NFATC1: variants seen among roughly 807,000 people sequenced by gnomAD.
NFATC1 encodes nuclear factor of activated T cells 1, also known as nuclear factor of activated T-cells, cytoplasmic 1.
In NFATC1, 22 loss-of-function variants were observed where a neutral mutation model predicts 76.0. The ratio of observed to expected loss-of-function variants is 0.29; its 90% CI spans 0.21 to 0.41. The LOEUF (loss-of-function observed/expected upper bound fraction) is 0.41. Among genes scored for constraint, NFATC1 ranks in the 10% least tolerant of loss-of-function variants. The pLI, the probability that NFATC1 is intolerant of heterozygous loss-of-function variation, is 1.00. For synonymous variants in NFATC1, 704 were observed against 613.1 expected (o/e 1.15, Z -2.19); for missense variants, 1,357 against 1,337.7 (o/e 1.01, Z -0.23).
intron 9 of NFATC1, among the ~76,000 whole-genome samples, chr18:79,509,373 C>A (rs1055110567): frequency 6.6e-6 from 1 of 152,258 alleles, no homozygotes; most frequent in Non-Finnish European, 1.5e-5. Context: ...CCCAGCCACT[C>A]CCCCAGGTCC....
Position 79,425,259 on chromosome 18 carries a change from C to T in NFATC1, c.1227-8320C>T. ...TGTCTCTGTCTCTCTGTTTCTCTCC[C>T]TGTCTCTGTCTCTCTCTCTGTCTGT... On this transcript the variant is annotated intron_variant, in intron 2 of 9. Coordinates refer to ENST00000427363, the MANE Select transcript of NFATC1 (RefSeq NM_001278669.2). Among the ~76,000 whole-genome samples, 2 of 51,826 alleles carry T rather than the reference C, an allele frequency of 3.9e-5. 1 individual carries two copies. 34.0% of individuals were successfully genotyped at this position (51,826 alleles called of 152,430 possible).
At chr18:79,468,974 C>CGGG in intron 8 of NFATC1, 1 of 150,140 alleles carries the variant, frequency 6.7e-6, no homozygotes, top group African/African-American at 2.5e-5. Flanking sequence ...CTGGGACCCC[C>CGGG]AGGATTGTGG....
intron 1 of NFATC1, among the ~76,000 whole-genome samples, chr18:79,399,015 A>C (rs2085094580): frequency 1.3e-5 from 2 of 152,246 alleles, no homozygotes; most frequent in Non-Finnish European, 2.9e-5. Flanking sequence ...TGCAGTGAGC[A>C]GAGATTGCAC....
At chr18:79,516,950 T>C (rs2090400504) in intron 9 of NFATC1, among the ~76,000 whole-genome samples, 2 of 152,224 alleles carry the variant, frequency 1.3e-5, no homozygotes, top group Admixed American at 1.3e-4. Context: ...GAAAGCTGTG[T>C]ATTCAGCAAT....
chr18:79,498,112 G>A (rs2089937082), intron 9 of NFATC1: 1 of 150,660 alleles, frequency 6.6e-6, no homozygotes, highest in Non-Finnish European at 1.5e-5. Flanking sequence ...TGCATTAGTT[G>A]TCATCTCCAG....
chr18:79,439,172 A>G (rs2086884452), intron 3 of NFATC1, among the ~76,000 whole-genome samples: 1 of 152,112 alleles, frequency 6.6e-6, no homozygotes, highest in Non-Finnish European at 1.5e-5. Context: ...CGCTTTCTTA[A>G]GTGGTTTGCC....
intron 8 of NFATC1, among the ~76,000 whole-genome samples, chr18:79,478,697 G>A (rs958520770): frequency 1.3e-5 from 2 of 152,204 alleles, no homozygotes; most frequent in African/African-American, 2.4e-5. Flanking sequence ...CACTGCCTGC[G>A]TCTGTGGCCA....
At chr18:79,474,566 G>GCTCA (rs2088958986) in intron 8 of NFATC1, among the ~76,000 whole-genome samples, 2 of 143,910 alleles carry the variant, frequency 1.4e-5, no homozygotes, top group East Asian at 2.1e-4. Flanking sequence ...GTATTCTCAC[G>GCTCA]CTGTCGACAT....
At chr18:79,475,613 G>T (rs994523559) in intron 8 of NFATC1, among the ~76,000 whole-genome samples, 3 of 150,640 alleles carry the variant, frequency 2.0e-5, no homozygotes, top group African/African-American at 7.3e-5. Flanking sequence ...CACTGTCGAC[G>T]TTGTGAGGGA....
intron 9 of NFATC1, among the ~76,000 whole-genome samples, chr18:79,515,612 C>T (rs2090362324): frequency 1.3e-5 from 2 of 152,040 alleles, no homozygotes; most frequent in African/African-American, 2.4e-5. Context: ...TCCTGACCCT[C>T]TCTGCCACCC....
rs558423060 is a variant in NFATC1, at chr18:79,467,451, A to G, written c.1961A>G (p.Asn654Ser). Residue 654 changes from asparagine to serine, a missense_variant and splice_region_variant, in exon 8 of 10, where the codon AAT (asparagine) becomes AGT (serine). Transcript: ENST00000427363. ...CTCCTGTGTGCCCTTCTCCTGTAGA[A>G]TTCTCTGGTGGTTGAGATCCCGCCA... ...AKTDRDLCKP[N>S]SLVVEIPPFR... 6.3e-7 allele frequency: 1 copy of G among 1,596,876 alleles called. No individual in the cohort carries two copies. The highest frequency in any genetic ancestry group is 1.3e-5 in the African/African-American group (1 of 74,240).
intron 3 of NFATC1, among the ~76,000 whole-genome samples, chr18:79,444,589 G>C (rs2087120117): frequency 6.6e-6 from 1 of 152,172 alleles, no homozygotes; most frequent in Non-Finnish European, 1.5e-5. Flanking sequence ...CTTAAAGCCA[G>C]GTCTGGGCCG....
At chr18:79,444,434 C>T (rs934661583) in intron 3 of NFATC1, among the ~76,000 whole-genome samples, 21 of 144,962 alleles carry the variant, frequency 1.4e-4, no homozygotes, top group African/African-American at 4.1e-4. Context: ...CCACCCACCC[C>T]GAGCCCACGC....
chr18:79,397,764 G>A (rs1399002408), intron 1 of NFATC1, among the ~76,000 whole-genome samples: 2 of 152,180 alleles, frequency 1.3e-5, no homozygotes, highest in African/African-American at 2.4e-5. Flanking sequence ...AAGAGCCGGT[G>A]GCCGACCTGT....
At chr18:79,405,636 G>A (rs1166916855) in intron 1 of NFATC1, among the ~76,000 whole-genome samples, 1 of 152,216 alleles carries the variant, frequency 6.6e-6, no homozygotes, top group Non-Finnish European at 1.5e-5. Flanking sequence ...GAGGAACAAG[G>A]GAACTTTATC....
In NFATC1 at chr18:79,511,708, T is replaced by A. The variant is rs577131989; in HGVS notation, c.2783-15820T>A. Among the ~76,000 whole-genome samples, 4 of 152,154 alleles carry A rather than the reference T, an allele frequency of 2.6e-5. No homozygotes were observed. The East Asian group carries it at 7.8e-4, about 30-fold the overall frequency. On this transcript the variant is annotated intron_variant, in intron 9 of 9. Transcript: ENST00000427363. ...TCCCTCCCAGAGGTGCTCCCCTGGC[T>A]GCAGCATGGGGAGCTGCCTGCGTGG...
intron 6 of NFATC1, among the ~76,000 whole-genome samples, chr18:79,456,839 G>A (rs2087757474): frequency 6.6e-6 from 1 of 152,218 alleles, no homozygotes; most frequent in South Asian, 2.1e-4. Flanking sequence ...GACGGGGCTG[G>A]GTGAGCAAGG....
rs1489210647 is a variant in NFATC1 at position 79,528,250 on chromosome 18, G to T, written c.*673G>T. On this transcript the variant is annotated 3_prime_UTR_variant, in exon 10 of 10. Coordinates refer to ENST00000427363, the MANE Select transcript of NFATC1 (RefSeq NM_001278669.2). ...ACCGTAGGCTTGTTCATAGTCGCAT[G>T]CTCGCATCTTTGTTTTTAATCTGGC... is the stretch of plus-strand genomic sequence containing the variant. The T allele has an allele frequency of 3.6e-6, 1 of 274,266 alleles. No individual in the cohort carries two copies. The highest frequency in any genetic ancestry group is 2.2e-5 in the African/African-American group (1 of 45,814). 17.0% of individuals were successfully genotyped at this position (274,266 alleles called of 1,614,324 possible).
intron 9 of NFATC1, among the ~76,000 whole-genome samples, chr18:79,512,578 C>T (rs1197408837): frequency 6.6e-6 from 1 of 152,200 alleles, no homozygotes; most frequent in Non-Finnish European, 1.5e-5. Flanking sequence ...GAGGAGATGC[C>T]TGCAGTCGGC....
Sources: allele counts gnomAD v4.1 joint callset (sites outside exome capture counted in the v4.1 genomes callset), GRCh38; gene constraint gnomAD v4.1.1; transcripts MANE v1.5; gene names NCBI Gene and HGNC (gene_info 2026-07-23, HGNC 2026-07-21).